Variants in MYBPC2 observed in about 807,000 individuals in gnomAD.
MYBPC2 encodes the protein myosin binding protein C2.
MYBPC2 carries 122 observed loss-of-function variants against 137.0 expected under a neutral mutation model. That is an observed-to-expected ratio of 0.89 (90% confidence interval 0.77 to 1.03). The LOEUF is 1.03. MYBPC2 is among the 50% of genes least tolerant of loss of function. MYBPC2 has a pLI of 0.00. For synonymous variants in MYBPC2, 626 were observed against 612.3 expected, an observed-to-expected ratio of 1.02 and a Z score of -0.33; for missense variants, 1,500 against 1,534.4, an observed-to-expected ratio of 0.98 and a Z score of 0.37.
In MYBPC2 at chr19:50,459,260, G is replaced by A. The variant is rs371362496; in HGVS notation, c.2745G>A (p.Gln915=). The A allele has an allele frequency of 3.0e-5, 48 of 1,611,000 alleles. No individual in the cohort carries two copies. In the East Asian group the frequency reaches 6.0e-4, roughly 20 times the overall value. The part of the protein sequence containing the change: ...SDSGEYELSV[Q]IENMKDTATI... ...CCGGGGAGTACGAGCTGAGCGTGCA[G>A]ATCGAGAACATGAAGGACACCGCCA... Residue 915 remains glutamine, a synonymous_variant, in exon 23 of 28, where the codon CAG becomes CAA. Transcript: ENST00000357701.
intron 23 of MYBPC2, among the ~76,000 whole-genome samples, 175 bp from the exon 24 acceptor site, chr19:50,459,865 T>G: frequency 7.3e-6 from 1 of 136,384 alleles, no homozygotes; most frequent in Non-Finnish European, 1.6e-5. Flanking sequence ...GGGATGAGGG[T>G]GGCCCAGGAT....
intron 15 of MYBPC2, 79 bp from the exon 16 acceptor site, chr19:50,451,785 T>G (rs1341778296): frequency 6.5e-7 from 1 of 1,538,890 alleles, no homozygotes. Context: ...GAACCCAACT[T>G]TTTGGAGATT....
chr19:50,442,398 A>G (rs2039764576), intron 9 of MYBPC2, 85 bp downstream of exon 9: 1 of 1,520,328 alleles, frequency 6.6e-7, no homozygotes. Flanking sequence ...ACTCTTAACC[A>G]GAAAGGGCAT....
intron 12 of MYBPC2, among the ~76,000 whole-genome samples, chr19:50,446,649 A>G (rs2039808391): frequency 6.7e-6 from 1 of 148,492 alleles, no homozygotes; most frequent in South Asian, 2.1e-4. Flanking sequence ...GCGAAAACCC[A>G]TCTCTACTAA....
chr19:50,441,235 G>C (rs896963977), intron 8 of MYBPC2, among the ~76,000 whole-genome samples, 159 bp downstream of exon 8: 9 of 152,100 alleles, frequency 5.9e-5, no homozygotes, highest in African/African-American at 1.9e-4. Flanking sequence ...AGACCAAATT[G>C]AGGACTAGCT....
At chr19:50,433,125 T>A (rs1219585277) in intron 1 of MYBPC2, among the ~76,000 whole-genome samples, 153 bp downstream of exon 1, 1 of 152,154 alleles carries the variant, frequency 6.6e-6, no homozygotes, top group East Asian at 1.9e-4. Flanking sequence ...GGTTCCCGCA[T>A]CAGTTTAGGG....
At chr19:50,437,377 C>T (rs1280783099) in intron 5 of MYBPC2, 96 bp from the exon 6 acceptor site, 8 of 1,322,918 alleles carry the variant, frequency 6.0e-6, no homozygotes, top group Middle Eastern at 1.8e-4. Context: ...GAAAAGGGGG[C>T]CTGGAAGAGG....
intron 15 of MYBPC2, 91 bp from the exon 16 acceptor site, chr19:50,451,773 T>C: frequency 6.5e-7 from 1 of 1,527,766 alleles, no homozygotes; most frequent in South Asian, 1.2e-5. Flanking sequence ...CTGTCACTGT[T>C]GGAACCCAAC....
intron 18 of MYBPC2, 125 bp from the exon 19 acceptor site, chr19:50,454,983 C>G: frequency 1.2e-6 from 1 of 813,800 alleles, no homozygotes; most frequent in Admixed American, 2.8e-5. Flanking sequence ...CTGAGATCCA[C>G]CTAAGATTCA....
chr19:50,458,556 C>T (rs764521561), intron 20 of MYBPC2, 31 bp from the exon 21 acceptor site: 3 of 1,604,798 alleles, frequency 1.9e-6, no homozygotes, highest in East Asian at 2.2e-5. Context: ...GAGGAGGGCA[C>T]GAGATCCGCC....
rs1192174892 is a variant in MYBPC2 at position 50,460,089 on chromosome 19, G to A, written c.2841G>A (p.Thr947=). Residue 947 remains threonine, a synonymous_variant, in exon 24 of 28, where the codon ACG becomes ACA. Transcript: ENST00000357701. The part of the protein sequence containing the change: ...INVMVKEVWG[T]NALVEWQAPK... Reference sequence around the variant, plus strand: ...TGATGGTGAAGGAGGTGTGGGGCACGAACGCGCTGGTGGAGTGGCAGGCCC... The same window carrying A: ...TGATGGTGAAGGAGGTGTGGGGCACAAACGCGCTGGTGGAGTGGCAGGCCC... The A allele has an allele frequency of 6.4e-7, 1 of 1,572,596 alleles. No homozygotes were observed. The highest frequency in any genetic ancestry group is 8.6e-7 in the Non-Finnish European group (1 of 1,159,234).
Position 50,436,663 on chromosome 19 carries a change from G to A in MYBPC2, c.392G>A (p.Arg131His), listed in dbSNP as rs866081511. 26 of 1,613,860 alleles carry A rather than the reference G, an allele frequency of 1.6e-5. No homozygotes were observed. The highest frequency in any genetic ancestry group is 1.6e-4 in the Middle Eastern group (1 of 6,082). ...ATTGGGAAGGTGGTACTGGGGGACC[G>A]TGGGTATTACCGCCTCGAGGTCAAA... ...LHIGKVVLGD[R>H]GYYRLEVKAK... The change falls in exon 5 of 28, where the codon CGT becomes CAT. Residue 131 changes from arginine to histidine, a missense_variant. Transcript: ENST00000357701.
intron 9 of MYBPC2, among the ~76,000 whole-genome samples, chr19:50,443,043 G>C (rs1400179423): frequency 6.6e-6 from 1 of 152,026 alleles, no homozygotes; most frequent in Non-Finnish European, 1.5e-5. Context: ...AAAAATGCTA[G>C]GATTACAGGT....
Position 50,458,703 on chromosome 19 carries a change from C to T in MYBPC2, c.2455C>T (p.Arg819Cys). The part of the protein sequence containing the change: ...FRVVGVNIAG[R>C]SEPATLAQPV... Reference sequence around the variant, plus strand: ...AGTAGTTGGGGTCAACATCGCGGGGCGCAGCGAGCCGGCCACCCTGGCCCA... The same window carrying T: ...AGTAGTTGGGGTCAACATCGCGGGGTGCAGCGAGCCGGCCACCCTGGCCCA... The change falls in exon 21 of 28, where the codon CGC becomes TGC. Residue 819 changes from arginine (R) to cysteine (C), a missense_variant. Arg to Cys is a radical substitution (Grantham distance 180). Transcript: ENST00000357701. The T allele has an allele frequency of 6.2e-7, 1 of 1,610,248 alleles. No individual in the cohort carries two copies. The highest frequency in any genetic ancestry group is 8.5e-7 in the Non-Finnish European group (1 of 1,179,854).
At chr19:50,462,116 C>T (rs780822209) in intron 26 of MYBPC2, 80 bp downstream of exon 26, 36 of 1,459,640 alleles carry the variant, frequency 2.5e-5, no homozygotes, top group African/African-American at 8.6e-5. Context: ...CTCCCCATCA[C>T]GCCAGTTCTT....
chr19:50,451,407 AG>A (rs2039856557), intron 15 of MYBPC2, 98 bp downstream of exon 15: 3 of 879,972 alleles, frequency 3.4e-6, no homozygotes, highest in Non-Finnish European at 4.9e-6. Context: ...AGGGCGAGGA[AG>A]GATGGGCGGG....
At chr19:50,434,451 T>C (rs1483598752) in intron 1 of MYBPC2, among the ~76,000 whole-genome samples, 1 of 152,246 alleles carries the variant, frequency 6.6e-6, no homozygotes, top group East Asian at 1.9e-4. Context: ...GGTTCCCATC[T>C]GCATGGAGTC....
intron 1 of MYBPC2, among the ~76,000 whole-genome samples, chr19:50,433,965 C>T (rs1423503929): frequency 6.6e-6 from 1 of 152,096 alleles, no homozygotes; most frequent in Non-Finnish European, 1.5e-5. Flanking sequence ...GTCCCAGATA[C>T]TTAGGAGGCA....
In MYBPC2 at chr19:50,442,166, T is replaced by C. The variant is rs1310439447; in HGVS notation, c.770-15T>C. On this transcript the variant is annotated splice_polypyrimidine_tract_variant and intron_variant, in intron 8 of 27. Transcript: ENST00000357701. ...ACCACACGCCTCCATCCCCTTTGCA[T>C]GCCTCAATCTTCAGCATTCACAAAG... 1 of 1,579,904 alleles carries C rather than the reference T, an allele frequency of 6.3e-7. No homozygotes were observed. Among genetic ancestry groups the C allele is most frequent in the East Asian group, 2.3e-5 (1 of 43,124 alleles).
Sources: gnomAD v4.1 joint callset for allele counts (sites outside exome capture counted in the v4.1 genomes callset) on GRCh38, gnomAD v4.1.1 for gene constraint, MANE v1.5 for transcripts, NCBI Gene and HGNC (gene_info 2026-07-23, HGNC 2026-07-21) for gene names.